The following DDC variants were observed in gnomAD, a reference collection of about 807,000 sequenced individuals.
The protein encoded by DDC is aromatic-L-amino-acid decarboxylase.
DDC carries 43 observed loss-of-function variants against 60.0 expected under a neutral mutation model. The observed-to-expected ratio is 0.72, with a 90% confidence interval of 0.56 to 0.92. The LOEUF (loss-of-function observed/expected upper bound fraction) is 0.92. DDC is among the 40% of genes least tolerant of loss of function. The probability of loss-of-function intolerance (pLI) is 0.00; values close to 1 mark genes in which losing one functional copy is unlikely to be tolerated. For synonymous variants in DDC, 232 were observed against 234.6 expected (o/e 0.99, Z 0.10); for missense variants, 573 against 620.2 (o/e 0.92, Z 0.81).
At chr7:50,540,506 A>C (rs536735476) in intron 2 of DDC, among the ~76,000 whole-genome samples, 2 of 146,650 alleles carry the variant, frequency 1.4e-5, no homozygotes, top group Admixed American at 6.8e-5. Flanking sequence ...AAAAAAAAAA[A>C]CCAAGCTCTG....
chr7:50,559,570 G>C (rs2045290526), intron 1 of DDC, among the ~76,000 whole-genome samples: 1 of 152,026 alleles, frequency 6.6e-6, no homozygotes. Context: ...TGGGACTATA[G>C]GCACGCACAA....
At chr7:50,471,428 C>A (rs539293665) in intron 11 of DDC, among the ~76,000 whole-genome samples, 1 of 152,078 alleles carries the variant, frequency 6.6e-6, no homozygotes, top group African/African-American at 2.4e-5. Flanking sequence ...GAACAGGTGG[C>A]AACTGCTTCT....
In DDC at chr7:50,503,983, G is replaced by C. The variant is rs534094832; in HGVS notation, c.781+10C>G. 4 of 1,604,970 alleles carry C rather than the reference G, an allele frequency of 2.5e-6. No individual in the cohort carries two copies. Among genetic ancestry groups the C allele is most frequent in the Non-Finnish European group, 3.4e-6 (4 of 1,171,724 alleles). On this transcript the variant is annotated intron_variant, in intron 7 of 14. Coordinates refer to ENST00000444124, the MANE Select transcript of DDC (RefSeq NM_001082971.2). ...CATTTTCCAAAAAGAAAATGGAATC[G>C]GATACTTACAGATAGGACCGACTTC...
intron 6 of DDC, among the ~76,000 whole-genome samples, chr7:50,525,961 A>G (rs2044026730): frequency 6.6e-6 from 1 of 151,958 alleles, no homozygotes; most frequent in Admixed American, 6.6e-5. Context: ...CTGCAGAAAG[A>G]TTTAACATAT....
chr7:50,564,642 C>T (rs1474268016), intron 1 of DDC, among the ~76,000 whole-genome samples: 5 of 152,186 alleles, frequency 3.3e-5, no homozygotes, highest in South Asian at 2.1e-4. Context: ...AGTCGATAAC[C>T]GAACAATTCT....
chr7:50,546,352 AG>A (rs1327998131), intron 1 of DDC, among the ~76,000 whole-genome samples: 1 of 152,218 alleles, frequency 6.6e-6, no homozygotes, highest in Non-Finnish European at 1.5e-5. Flanking sequence ...CAAAAACAAC[AG>A]GGGCACATAG....
chr7:50,492,811 C>T lies in DDC; in HGVS notation c.944+2539G>A, dbSNP rs2043029448. 1.1e-5 allele frequency: 17 copies of T among 1,495,780 alleles called. No homozygotes were observed. In the East Asian group the frequency reaches 2.2e-4, roughly 20 times the overall value. The allele number at this position is 1,495,780 out of a possible 1,614,324, so 92.7% of individuals were successfully genotyped here. A position where few individuals can be genotyped will look rare whatever the true frequency, so the allele number is the denominator to read the frequency against. ...GGTGGCTGAACTGAACCCCGAGCGCCGGGGAAGAGTTGTCCGGGAGAGATG... is the reference window on the plus strand; with the variant it reads ...GGTGGCTGAACTGAACCCCGAGCGCTGGGGAAGAGTTGTCCGGGAGAGATG... On this transcript the variant is annotated intron_variant, in intron 9 of 14. Coordinates refer to ENST00000444124, the MANE Select transcript of DDC (RefSeq NM_001082971.2).
chr7:50,496,833 G>C (rs1414271113), intron 8 of DDC, among the ~76,000 whole-genome samples: 2 of 152,192 alleles, frequency 1.3e-5, no homozygotes, highest in Non-Finnish European at 2.9e-5. Context: ...TGTGCACCGA[G>C]GAGGCAGCAG....
intron 6 of DDC, among the ~76,000 whole-genome samples, chr7:50,514,967 T>A (rs1416574556): frequency 1.3e-5 from 2 of 152,100 alleles, no homozygotes; most frequent in East Asian, 3.9e-4. Flanking sequence ...AAGAAGAGAA[T>A]TCTAAAAGGT....
Position 50,518,188 on chromosome 7 carries a change from G to T in DDC, c.714+9949C>A, listed in dbSNP as rs553637571. 3.4e-5 allele frequency among the ~76,000 whole-genome samples: 5 copies of T among 148,800 alleles called. No homozygotes were observed. The South Asian group carries it at 8.7e-4, about 26-fold the overall frequency. ...GATCATGCCACTGCACTCCACCCTG[G>T]GTGACAGAGCGAGACTCCATCTCAA... On this transcript the variant is annotated intron_variant, in intron 6 of 14. Transcript: ENST00000444124.
At chr7:50,521,192 A>G (rs1429011107) in intron 6 of DDC, among the ~76,000 whole-genome samples, 7 of 152,124 alleles carry the variant, frequency 4.6e-5, no homozygotes, top group Non-Finnish European at 1.0e-4. Context: ...CCACAAATTC[A>G]AAAACCTAAA....
At chr7:50,481,787 C>T (rs145517376) in intron 9 of DDC, among the ~76,000 whole-genome samples, 7 of 152,160 alleles carry the variant, frequency 4.6e-5, no homozygotes, top group African/African-American at 1.7e-4. Flanking sequence ...TTGCACACTG[C>T]TAAACATACT....
chr7:50,515,361 G>C (rs2043698282), intron 6 of DDC, among the ~76,000 whole-genome samples: 1 of 152,128 alleles, frequency 6.6e-6, no homozygotes, highest in Admixed American at 6.5e-5. Context: ...CAAATGCTGA[G>C]AGAATTCACC....
At chr7:50,458,876 C>T (rs796573589) in intron 14 of DDC, 33 bp from the exon 15 acceptor site, 81 of 151,912 alleles carry the variant, frequency 5.3e-4, no homozygotes, top group African/African-American at 1.9e-3. Context: ...GAGCATATGG[C>T]TACATTAAAA....
intron 1 of DDC, among the ~76,000 whole-genome samples, chr7:50,547,992 A>G (rs1003395573): frequency 2.6e-5 from 4 of 152,320 alleles, no homozygotes; most frequent in Middle Eastern, 3.4e-3. Flanking sequence ...CTTTTGTAAT[A>G]TTTCAAACCA....
rs11575338 is a variant in DDC, at chr7:50,528,925, G to A, written c.570+283C>T. The stretch of plus-strand genomic sequence containing the variant: ...TCCCCATATCTAGTTTCTCTGCAAT[G>A]GTGCTCGGAAGGCCAGATAATCACA... On this transcript the variant is annotated intron_variant, in intron 5 of 14. Transcript: ENST00000444124. 0.089 allele frequency among the ~76,000 whole-genome samples: 13,525 copies of A among 152,146 alleles called. 956 individuals carry two copies. Among genetic ancestry groups the A allele is most frequent in the South Asian group, 0.14 (670 of 4,816 alleles).
At chr7:50,540,198 C>T (rs749065478) in intron 2 of DDC, 170 bp from the exon 3 acceptor site, 16 of 662,068 alleles carry the variant, frequency 2.4e-5, no homozygotes, top group Non-Finnish European at 3.6e-5. Flanking sequence ...TCCATTATTT[C>T]GGAGCATTTA....
intron 10 of DDC, chr7:50,477,500 C>G: frequency 2.2e-6 from 1 of 456,476 alleles, no homozygotes; most frequent in Non-Finnish European, 4.4e-6. Flanking sequence ...AGGCCCTGAC[C>G]ATGCTCAGCT....
At chr7:50,545,462 T>C (rs2044770362) in intron 1 of DDC, among the ~76,000 whole-genome samples, 1 of 152,234 alleles carries the variant, frequency 6.6e-6, no homozygotes, top group Non-Finnish European at 1.5e-5. Flanking sequence ...AATTTTTATT[T>C]TACTTTATTT....
Sources: allele counts gnomAD v4.1 joint callset (sites outside exome capture counted in the v4.1 genomes callset), GRCh38; gene constraint gnomAD v4.1.1; transcripts MANE v1.5; gene names NCBI Gene and HGNC (gene_info 2026-07-23, HGNC 2026-07-21).